TENM3: variants seen among roughly 807,000 people sequenced by gnomAD.
The protein encoded by TENM3 is teneurin-3.
Under a neutral mutation model 255.1 loss-of-function variants are expected in TENM3, and 63 were observed. The ratio of observed to expected loss-of-function variants is 0.25; its 90% CI spans 0.20 to 0.30. TENM3 has a LOEUF of 0.30. Ranked by LOEUF, TENM3 falls within the 10% of genes least tolerant of loss-of-function variation. TENM3 has a pLI of 1.00. For missense variants in TENM3, 2,929 were observed against 3,461.1 expected, an observed-to-expected ratio of 0.85 and a Z score of 3.86; for synonymous variants, 1,306 against 1,322.3, an observed-to-expected ratio of 0.99 and a Z score of 0.27.
At chr4:181,541,526 T>A in the TENM3 span, among the ~76,000 whole-genome samples, 1 of 152,216 alleles carries the variant, frequency 6.6e-6, no homozygotes, top group African/African-American at 2.4e-5. Flanking sequence ...CCTTTGTGTA[T>A]GGTTTGGCAA....
At chr4:182,106,183 G>A in the TENM3 span, among the ~76,000 whole-genome samples, 49,558 of 152,132 alleles carry the variant, frequency 0.33, 8,262 homozygotes, top group African/African-American at 0.35. Flanking sequence ...TAAATCCTGC[G>A]GGGCACGGTG....
At position 182,743,369 on chromosome 4, in the gene TENM3, T is replaced by C. The variant is rs7654255; in HGVS notation, c.3579T>C (p.Tyr1193=). 0.29 allele frequency: 463,221 copies of C among 1,613,556 alleles called. 69,117 individuals are homozygous for C. The highest frequency in any genetic ancestry group is 0.35 in the African/African-American group (25,900 of 74,974). The change falls in exon 19 of 28, where the codon TAT becomes TAC. Residue 1193 remains tyrosine, a synonymous_variant. Transcript: ENST00000511685. The part of the protein sequence containing the change: ...DGSLYVGDFN[Y]VRRIFPSGNV... ...GTCTGTACGTAGGCGATTTCAACTA[T>C]GTGCGGCGGATATTCCCTTCTGGAA... is the stretch of plus-strand genomic sequence containing the variant.
chr4:182,651,059 A>C (rs1753234467), intron 5 of TENM3, among the ~76,000 whole-genome samples: 1 of 152,072 alleles, frequency 6.6e-6, no homozygotes, highest in South Asian at 2.1e-4. Context: ...TAAAACCGAT[A>C]ATGTGAGCAA....
At chr4:182,773,402 C>A in intron 22 of TENM3, 70 bp from the exon 23 acceptor site, 1 of 1,379,182 alleles carries the variant, frequency 7.3e-7, no homozygotes, top group Non-Finnish European at 9.9e-7. Flanking sequence ...TATTGCTACA[C>A]ATTATATTTA....
chr4:181,709,881 A>G, the TENM3 span, among the ~76,000 whole-genome samples: 1 of 152,208 alleles, frequency 6.6e-6, no homozygotes, highest in East Asian at 1.9e-4. Flanking sequence ...GGATGAATCA[A>G]GTTTTTGTCT....
intron 1 of TENM3, among the ~76,000 whole-genome samples, chr4:182,170,413 A>G (rs1237997942): frequency 6.6e-6 from 1 of 152,154 alleles, no homozygotes; most frequent in Non-Finnish European, 1.5e-5. Flanking sequence ...CTTTCTCCTT[A>G]GAAGTTGGCA....
At chr4:181,457,802 G>A in the TENM3 span, among the ~76,000 whole-genome samples, 1 of 151,810 alleles carries the variant, frequency 6.6e-6, no homozygotes. Context: ...ATCCTGTTCA[G>A]ATTATATAAT....
At chr4:182,058,981 T>TGTGTGTGTGTGTGTGTGTGTGTGTGG in the TENM3 span, among the ~76,000 whole-genome samples, 1 of 148,248 alleles carries the variant, frequency 6.7e-6, no homozygotes, top group Non-Finnish European at 1.5e-5. Flanking sequence ...TGTGTGTGTG[T>TGTGTGTGTGTGTGTGTGTGTGTGTGG]TTGTGGCAAG....
chr4:181,454,610 A>T, the TENM3 span, among the ~76,000 whole-genome samples: 1 of 96,102 alleles, frequency 1.0e-5, no homozygotes, highest in Admixed American at 1.0e-4. Context: ...TTTTTTTTTA[A>T]CCATTTGTAT....
intron 4 of TENM3, among the ~76,000 whole-genome samples, chr4:182,622,945 G>A (rs553145619): frequency 4.0e-5 from 6 of 151,838 alleles, no homozygotes; most frequent in African/African-American, 1.2e-4. Context: ...AGTATAGTAC[G>A]TTAGAAATGC....
At chr4:181,690,198 G>T in the TENM3 span, among the ~76,000 whole-genome samples, 1 of 151,940 alleles carries the variant, frequency 6.6e-6, no homozygotes, top group East Asian at 1.9e-4. Context: ...GTAAGCCTGT[G>T]AGTATTCAAG....
At chr4:182,762,996 AC>A (rs71596672) in intron 22 of TENM3, among the ~76,000 whole-genome samples, 46,737 of 151,678 alleles carry the variant, frequency 0.31, 7,515 homozygotes, top group East Asian at 0.58. Flanking sequence ...TTCAAGAGAG[AC>A]CCCCCACAAC....
chr4:181,869,613 T>C, the TENM3 span, among the ~76,000 whole-genome samples: 1 of 152,096 alleles, frequency 6.6e-6, no homozygotes, highest in South Asian at 2.1e-4. Context: ...CATAAATATA[T>C]ACAACTACTA....
chr4:181,747,305 T>C, the TENM3 span, among the ~76,000 whole-genome samples: 1 of 152,152 alleles, frequency 6.6e-6, no homozygotes, highest in South Asian at 2.1e-4. Context: ...TTTTTCTATT[T>C]CTATAAATTG....
At chr4:181,882,968 A>G in the TENM3 span, among the ~76,000 whole-genome samples, 1 of 152,202 alleles carries the variant, frequency 6.6e-6, no homozygotes, top group East Asian at 1.9e-4. Context: ...ACAGCAGCCC[A>G]TCCTGGATAG....
In TENM3 at chr4:182,792,768, T is replaced by A; in HGVS notation, c.6096T>A (p.Gly2032=). ...GCTTTCGAGTGACCAGCATGCAGGG[T>A]GTGATCAATGAAACGCCACTGCCTA... ...DNSFRVTSMQ[G]VINETPLPID... Residue 2032 remains glycine, a synonymous_variant, in exon 26 of 28, where the codon GGT becomes GGA. Coordinates refer to ENST00000511685, the MANE Select transcript of TENM3 (RefSeq NM_001080477.4). The surrounding 1 kb of genome is among the most constrained non-coding windows in gnomAD (Gnocchi z 6.3). 1 of 1,613,958 alleles carries A rather than the reference T, an allele frequency of 6.2e-7. No homozygotes were observed. Among genetic ancestry groups the A allele is most frequent in the African/African-American group, 1.3e-5 (1 of 75,044 alleles).
intron 3 of TENM3, among the ~76,000 whole-genome samples, chr4:182,459,375 T>C (rs1277074595): frequency 6.6e-6 from 1 of 152,150 alleles, no homozygotes; most frequent in African/African-American, 2.4e-5. Flanking sequence ...TGAGTGACAA[T>C]ACATTATAGC....
the TENM3 span, among the ~76,000 whole-genome samples, chr4:181,604,370 A>C: frequency 1.3e-5 from 2 of 152,344 alleles, no homozygotes; most frequent in East Asian, 3.9e-4. Context: ...CAAAACAAAA[A>C]TCAGAAATTT....
At position 182,305,213 on chromosome 4, in the gene TENM3, A is replaced by T. The variant is rs201294902; in HGVS notation, c.-75-18733A>T. On this transcript the variant is annotated intron_variant, in intron 1 of 27. Transcript: ENST00000511685. ...CATGGTCAAGGCAGTAAACAGATCTAAAAAAAAAACCACAAAAACAAAAGG... is the reference window on the plus strand; with the variant it reads ...CATGGTCAAGGCAGTAAACAGATCTTAAAAAAAAACCACAAAAACAAAAGG... Among the ~76,000 whole-genome samples the T allele has an allele frequency of 1.2e-4, 16 of 129,196 alleles. No homozygotes were observed. In the East Asian group the frequency reaches 3.0e-3, roughly 24 times the overall value. The allele number at this position is 129,196 out of a possible 152,430, so 84.8% of individuals were successfully genotyped here.
Sources: gnomAD v4.1 joint callset for allele counts (sites outside exome capture counted in the v4.1 genomes callset) on GRCh38, gnomAD v4.1.1 for gene constraint, Gnocchi (gnomAD v3.1) non-coding constraint, MANE v1.5 for transcripts, NCBI Gene and HGNC (gene_info 2026-07-23, HGNC 2026-07-21) for gene names.